The following SPMIP7 variants were observed in gnomAD, a reference collection of about 807,000 sequenced individuals.
SPMIP7 encodes sperm microtubule inner protein 7, also known as protein SPMIP7.
the SPMIP7 span, among the ~76,000 whole-genome samples, chr7:50,112,830 G>A: frequency 2.6e-5 from 4 of 152,048 alleles, no homozygotes; most frequent in East Asian, 7.7e-4. Flanking sequence ...GGGAAGCCAA[G>A]GAATGTAGAA....
At chr7:50,143,374 C>T in the SPMIP7 span, among the ~76,000 whole-genome samples, 2 of 152,078 alleles carry the variant, frequency 1.3e-5, no homozygotes, top group Non-Finnish European at 2.9e-5. Context: ...GCCATGTTGG[C>T]CAGGCTGGTC....
At chr7:50,122,512 A>C in the SPMIP7 span, among the ~76,000 whole-genome samples, 3 of 151,472 alleles carry the variant, frequency 2.0e-5, no homozygotes, top group Non-Finnish European at 4.4e-5. Context: ...ATGGGCAAGG[A>C]CTTCATGTCT....
the SPMIP7 span, among the ~76,000 whole-genome samples, chr7:50,154,121 G>A: frequency 2.6e-4 from 39 of 151,990 alleles, no homozygotes; most frequent in Non-Finnish European, 5.3e-4. Flanking sequence ...AAATTCTGTT[G>A]TGTATATCAT....
chr7:50,151,817 C>T, the SPMIP7 span, among the ~76,000 whole-genome samples: 67,145 of 151,890 alleles, frequency 0.44, 15,273 homozygotes, highest in East Asian at 0.72. Flanking sequence ...AATGTTATTA[C>T]GAATGTGGCC....
At chr7:50,115,331 A>C in the SPMIP7 span, among the ~76,000 whole-genome samples, 1 of 152,200 alleles carries the variant, frequency 6.6e-6, no homozygotes, top group Admixed American at 6.5e-5. Context: ...AACTTATAGG[A>C]CTGAAAGGCA....
chr7:50,158,689 A>C, the SPMIP7 span, among the ~76,000 whole-genome samples: 1 of 151,482 alleles, frequency 6.6e-6, no homozygotes, highest in Admixed American at 6.6e-5. Flanking sequence ...CCTGGGCCTT[A>C]TCTGTCCGCC....
chr7:50,158,151 G>C, the SPMIP7 span, among the ~76,000 whole-genome samples: 1 of 149,134 alleles, frequency 6.7e-6, no homozygotes, highest in Non-Finnish European at 1.5e-5. Context: ...CATGGGTGAG[G>C]CCCAGGACCC....
chr7:50,153,702 G>A, the SPMIP7 span, among the ~76,000 whole-genome samples: 1 of 152,174 alleles, frequency 6.6e-6, no homozygotes, highest in Non-Finnish European at 1.5e-5. Flanking sequence ...GGCTCTGGGA[G>A]GGGGCACTAG....
chr7:50,129,895 C>A, the SPMIP7 span: 1 of 717,898 alleles, frequency 1.4e-6, no homozygotes, highest in Non-Finnish European at 2.4e-6. Context: ...TTATGAGTGA[C>A]ACAGAGGACA....
chr7:50,096,408 C>T, the SPMIP7 span: 1 of 1,551,776 alleles, frequency 6.4e-7, no homozygotes, highest in Non-Finnish European at 8.7e-7. Context: ...GATTCCTGTT[C>T]AGGGTTTATG....
the SPMIP7 span, chr7:50,129,639 G>T: frequency 4.9e-6 from 5 of 1,023,958 alleles, no homozygotes; most frequent in South Asian, 5.9e-5. Context: ...GAATCCAAAA[G>T]AAAACATGAT....
the SPMIP7 span, among the ~76,000 whole-genome samples, chr7:50,119,998 T>C: frequency 6.6e-6 from 1 of 152,218 alleles, no homozygotes; most frequent in East Asian, 1.9e-4. Flanking sequence ...TCTGCTCACA[T>C]GCCACCAGGT....
the SPMIP7 span, among the ~76,000 whole-genome samples, chr7:50,131,571 A>G: frequency 4.1e-4 from 63 of 152,292 alleles, 1 homozygote; most frequent in East Asian, 8.1e-3. Flanking sequence ...GGCAAAGGGC[A>G]CTGAGTCCTG....
the SPMIP7 span, among the ~76,000 whole-genome samples, chr7:50,139,327 T>C: frequency 8.9e-5 from 13 of 146,866 alleles, no homozygotes; most frequent in South Asian, 2.8e-3. Flanking sequence ...CCAGCCTAGG[T>C]GACTAGAGCG....
At chr7:50,127,620 T>TAC in the SPMIP7 span, among the ~76,000 whole-genome samples, 1 of 145,494 alleles carries the variant, frequency 6.9e-6, no homozygotes, top group Non-Finnish European at 1.5e-5. Context: ...TCTTTTTCTA[T>TAC]ATATATATAT....
At chr7:50,144,806 T>C in the SPMIP7 span, among the ~76,000 whole-genome samples, 4 of 152,122 alleles carry the variant, frequency 2.6e-5, no homozygotes, top group Non-Finnish European at 5.9e-5. Flanking sequence ...ACAAAAATTA[T>C]TGAAGCTCAG....
At chr7:50,112,849 G>A in the SPMIP7 span, among the ~76,000 whole-genome samples, 6 of 152,096 alleles carry the variant, frequency 3.9e-5, 1 homozygote, top group South Asian at 1.0e-3. Flanking sequence ...AATTTGCAGG[G>A]TAAGATAGCA....
the SPMIP7 span, chr7:50,142,734 CAT>C: frequency 2.0e-5 from 3 of 152,316 alleles, no homozygotes; most frequent in South Asian, 2.1e-4. Flanking sequence ...TCTTTTCAGC[CAT>C]GTGTGTGGCC....
the SPMIP7 span, chr7:50,117,292 T>G: frequency 6.6e-6 from 3 of 455,664 alleles, no homozygotes; most frequent in Admixed American, 7.1e-5. Flanking sequence ...TCACATATTA[T>G]AGCCTGTGAT....
Sources: allele counts gnomAD v4.1 joint callset (sites outside exome capture counted in the v4.1 genomes callset), GRCh38; gene constraint gnomAD v4.1.1; transcripts MANE v1.5; gene names NCBI Gene and HGNC (gene_info 2026-07-23, HGNC 2026-07-21).